CNTN3: variants seen among roughly 807,000 people sequenced by gnomAD.
CNTN3 encodes the protein contactin 3, also known as contactin-3.
Under a neutral mutation model 119.1 loss-of-function variants are expected in CNTN3, and 60 were observed. The observed-to-expected ratio is 0.50, with a 90% CI of 0.41 to 0.62. The LOEUF (loss-of-function observed/expected upper bound fraction) is 0.62. Ranked by LOEUF, CNTN3 falls within the 20% of genes least tolerant of loss-of-function variation. The pLI, the probability that CNTN3 is intolerant of heterozygous loss-of-function variation, is 0.00. For synonymous variants in CNTN3, 450 were observed against 438.7 expected, an observed-to-expected ratio of 1.03 and a Z score of -0.32; for missense variants, 1,101 against 1,242.4, an observed-to-expected ratio of 0.89 and a Z score of 1.71.
At chr3:74,394,339 T>C (rs1462937533) in intron 5 of CNTN3, among the ~76,000 whole-genome samples, 1 of 152,170 alleles carries the variant, frequency 6.6e-6, no homozygotes, top group Non-Finnish European at 1.5e-5. Flanking sequence ...CATACAGTCA[T>C]AGCAAAATGA....
At chr3:74,418,796 CTT>C (rs914388844) in intron 5 of CNTN3, among the ~76,000 whole-genome samples, 3 of 147,298 alleles carry the variant, frequency 2.0e-5, no homozygotes, top group African/African-American at 7.5e-5. Flanking sequence ...TTTTTTTTAT[CTT>C]TTTTTTTGGA....
chr3:74,361,776 T>A (rs1704078102), intron 11 of CNTN3, 114 bp downstream of exon 11: 2 of 1,078,118 alleles, frequency 1.9e-6, no homozygotes, highest in South Asian at 4.2e-5. Flanking sequence ...TTCTTAAAGA[T>A]CTCACATGCT....
At position 74,266,571 on chromosome 3, in the gene CNTN3, T is replaced by TGA. The variant is rs757805583; in HGVS notation, c.2895_2896insTC (p.Ile966SerfsTer30). 3.1e-6 allele frequency: 5 copies of TGA among 1,613,554 alleles called. No individual in the cohort carries two copies. Among genetic ancestry groups the TGA allele is most frequent in the Non-Finnish European group, 8.5e-7 (1 of 1,179,650 alleles). ...ACTTCAATAATGTAGTCCTCTTTAA[T>TGA]GGGCAGCACAAGTTCAGCTGAAGTT... is the stretch of plus-strand genomic sequence containing the variant. On this transcript the variant is annotated frameshift_variant, in exon 22 of 23. Coordinates refer to ENST00000263665, the MANE Select transcript of CNTN3 (RefSeq NM_020872.3). LOFTEE classifies it high-confidence loss of function.
At chr3:74,575,606 A>AACACACACAC (rs71129762) in intron 1 of CNTN3, among the ~76,000 whole-genome samples, 26,027 of 134,922 alleles carry the variant, frequency 0.19, 2,774 homozygotes, top group Non-Finnish European at 0.22. Context: ...AGTCTCTCCC[A>AACACACACAC]ACACACACAC....
intron 4 of CNTN3, among the ~76,000 whole-genome samples, chr3:74,440,238 C>T (rs1268789939): frequency 6.6e-6 from 1 of 152,160 alleles, no homozygotes; most frequent in Non-Finnish European, 1.5e-5. Flanking sequence ...ATCATTCTTA[C>T]ATCCTGAGCA....
chr3:74,497,799 G>A (rs901313513), intron 3 of CNTN3, among the ~76,000 whole-genome samples: 7 of 151,674 alleles, frequency 4.6e-5, no homozygotes, highest in African/African-American at 9.7e-5. Context: ...ATCCCAGGAC[G>A]TATAATAAAA....
At chr3:74,584,463 G>C (rs1049894453) in intron 1 of CNTN3, among the ~76,000 whole-genome samples, 3 of 152,058 alleles carry the variant, frequency 2.0e-5, no homozygotes, top group African/African-American at 7.2e-5. Context: ...AGGGTAACGA[G>C]TGAGTTCTTG....
chr3:74,383,405 G>A (rs908621167), intron 5 of CNTN3, among the ~76,000 whole-genome samples: 6 of 152,128 alleles, frequency 3.9e-5, no homozygotes, highest in Non-Finnish European at 8.8e-5. Flanking sequence ...GCATCCTGAT[G>A]TACCACATGT....
At chr3:74,575,874 G>A (rs541274319) in intron 1 of CNTN3, among the ~76,000 whole-genome samples, 1 of 152,128 alleles carries the variant, frequency 6.6e-6, no homozygotes, top group East Asian at 1.9e-4. Flanking sequence ...TCTACTGTTT[G>A]AAAGACAAGC....
At chr3:74,403,339 A>G (rs1250199224) in intron 5 of CNTN3, among the ~76,000 whole-genome samples, 2 of 152,170 alleles carry the variant, frequency 1.3e-5, no homozygotes, top group African/African-American at 4.8e-5. Context: ...TGATATTTAC[A>G]TTCCGAAGGT....
intron 4 of CNTN3, among the ~76,000 whole-genome samples, chr3:74,445,411 T>C (rs914576107): frequency 1.3e-5 from 2 of 152,018 alleles, no homozygotes; most frequent in African/African-American, 2.4e-5. Flanking sequence ...TACAGGTGCC[T>C]GCCACCATGC....
intron 1 of CNTN3, among the ~76,000 whole-genome samples, chr3:74,550,657 G>C (rs1363298562): frequency 1.3e-5 from 2 of 152,146 alleles, no homozygotes; most frequent in African/African-American, 4.8e-5. Flanking sequence ...TTCTGTCTCA[G>C]CCTCCCAAGT....
chr3:74,433,577 G>C (rs1384103846), intron 4 of CNTN3, among the ~76,000 whole-genome samples: 1 of 152,148 alleles, frequency 6.6e-6, no homozygotes, highest in Non-Finnish European at 1.5e-5. Flanking sequence ...TGGACCCTAA[G>C]CACCTAAGTA....
intron 13 of CNTN3, among the ~76,000 whole-genome samples, chr3:74,305,609 G>C (rs544145502): frequency 6.6e-6 from 1 of 151,938 alleles, no homozygotes; most frequent in Admixed American, 6.6e-5. Flanking sequence ...ACATGGTTGA[G>C]TTTCAAAAGC....
In CNTN3 at chr3:74,516,207, G is replaced by GGA. The variant is rs1703448067; in HGVS notation, c.55+4850_55+4851insTC. Among the ~76,000 whole-genome samples, 63 of 144,408 alleles carry GGA rather than the reference G, an allele frequency of 4.4e-4. 1 individual carries two copies. The highest frequency in any genetic ancestry group is 1.6e-3 in the African/African-American group (56 of 34,690). The allele number at this position is 144,408 out of a possible 152,430, so 94.7% of individuals were successfully genotyped here. A position where few individuals can be genotyped will look rare whatever the true frequency, so the allele number is the denominator to read the frequency against. On this transcript the variant is annotated intron_variant, in intron 2 of 22. Transcript: ENST00000263665. The stretch of plus-strand genomic sequence containing the variant: ...ACTGTGCCATCTACAACATGGGCAG[G>GGA]CCTGGAATGCACACAGATATGCATG...
intron 1 of CNTN3, among the ~76,000 whole-genome samples, chr3:74,531,679 C>T (rs1018654229): frequency 1.3e-5 from 2 of 151,934 alleles, no homozygotes; most frequent in African/African-American, 4.8e-5. Context: ...GGAAGATGAA[C>T]TCCCTTCTGA....
chr3:74,447,199 G>A (rs993429785), intron 4 of CNTN3, among the ~76,000 whole-genome samples: 1 of 152,126 alleles, frequency 6.6e-6, no homozygotes, highest in Non-Finnish European at 1.5e-5. Flanking sequence ...GAGAAGTGAG[G>A]TTCCCAGAAC....
intron 5 of CNTN3, among the ~76,000 whole-genome samples, chr3:74,382,335 A>AT (rs1241633724): frequency 6.6e-6 from 1 of 152,220 alleles, no homozygotes; most frequent in African/African-American, 2.4e-5. Flanking sequence ...GTTAATTAAC[A>AT]TATCAACTAG....
intron 1 of CNTN3, among the ~76,000 whole-genome samples, chr3:74,538,312 C>G (rs1703794420): frequency 6.6e-6 from 1 of 152,062 alleles, no homozygotes; most frequent in Admixed American, 6.6e-5. Flanking sequence ...TAAGAATGTT[C>G]TTTATTTTGG....
Sources: gnomAD v4.1 joint callset for allele counts (sites outside exome capture counted in the v4.1 genomes callset) on GRCh38, gnomAD v4.1.1 for gene constraint, MANE v1.5 for transcripts, NCBI Gene and HGNC (gene_info 2026-07-23, HGNC 2026-07-21) for gene names.